DGKB: variants seen among roughly 807,000 people sequenced by gnomAD.
DGKB encodes the protein diacylglycerol kinase beta.
DGKB carries 67 observed loss-of-function variants against 114.3 expected under a neutral mutation model. The observed-to-expected ratio is 0.59, with a 90% CI of 0.48 to 0.72. DGKB has a LOEUF of 0.72. Ranked by LOEUF, DGKB falls within the 30% of genes least tolerant of loss-of-function variation. The pLI, the probability that DGKB is intolerant of heterozygous loss-of-function variation, is 0.00. For missense variants in DGKB, 907 were observed against 975.2 expected (o/e 0.93, Z 0.93); for synonymous variants, 398 against 323.1 (o/e 1.23, Z -2.49).
intron 23 of DGKB, among the ~76,000 whole-genome samples, chr7:14,204,599 T>C (rs1408761263): frequency 1.3e-5 from 2 of 152,052 alleles, no homozygotes; most frequent in South Asian, 2.1e-4. Context: ...TAAATTGTCT[T>C]GGTAAACTCT....
intron 13 of DGKB, among the ~76,000 whole-genome samples, chr7:14,654,135 C>T (rs1450561936): frequency 2.0e-5 from 3 of 151,974 alleles, no homozygotes; most frequent in East Asian, 3.9e-4. Flanking sequence ...TATAGAAAAA[C>T]CTGAAGACTT....
intron 21 of DGKB, among the ~76,000 whole-genome samples, chr7:14,440,709 C>G (rs893268084): frequency 1.3e-5 from 2 of 152,268 alleles, no homozygotes; most frequent in Admixed American, 1.3e-4. Context: ...ATGTTTAACA[C>G]TCTTAAACAA....
At chr7:14,377,078 G>A (rs1220025221) in intron 21 of DGKB, among the ~76,000 whole-genome samples, 7 of 152,146 alleles carry the variant, frequency 4.6e-5, no homozygotes, top group Non-Finnish European at 1.0e-4. Context: ...CTGGGTTATA[G>A]GATGGGGGGT....
chr7:14,569,195 C>T (rs988954118), intron 20 of DGKB, among the ~76,000 whole-genome samples: 4 of 152,104 alleles, frequency 2.6e-5, no homozygotes, highest in Non-Finnish European at 4.4e-5. Context: ...GATTTTGTGT[C>T]CCTGGGGCAG....
chr7:14,166,296 A>G (rs1164477404), intron 25 of DGKB, among the ~76,000 whole-genome samples: 2 of 152,240 alleles, frequency 1.3e-5, no homozygotes, highest in Non-Finnish European at 2.9e-5. Flanking sequence ...ATGCTGTCTC[A>G]AACTGCTTAA....
intron 23 of DGKB, among the ~76,000 whole-genome samples, chr7:14,262,947 T>G (rs1310211969): frequency 6.6e-6 from 1 of 151,940 alleles, no homozygotes; most frequent in Non-Finnish European, 1.5e-5. Flanking sequence ...ATTCTCCCAT[T>G]ACACATCAAG....
chr7:14,504,798 C>A (rs1786767112), intron 20 of DGKB, among the ~76,000 whole-genome samples: 1 of 151,730 alleles, frequency 6.6e-6, no homozygotes, highest in Admixed American at 6.6e-5. Context: ...AGGTATTTTA[C>A]TGGATAATTT....
intron 1 of DGKB, among the ~76,000 whole-genome samples, chr7:14,974,523 C>T (rs1051849426): frequency 6.6e-6 from 1 of 152,064 alleles, no homozygotes; most frequent in Non-Finnish European, 1.5e-5. Flanking sequence ...ACTCACCTAT[C>T]TAGACTATTT....
chr7:14,722,578 C>G (rs887339183), intron 5 of DGKB, among the ~76,000 whole-genome samples: 14 of 152,082 alleles, frequency 9.2e-5, no homozygotes, highest in African/African-American at 3.1e-4. Flanking sequence ...CTTTGGGAAG[C>G]CGAGGTGGGA....
chr7:14,235,967 A>G (rs1286866250), intron 23 of DGKB, among the ~76,000 whole-genome samples: 1 of 152,066 alleles, frequency 6.6e-6, no homozygotes, highest in African/African-American at 2.4e-5. Context: ...TGGATGCACA[A>G]GACATACACG....
intron 23 of DGKB, among the ~76,000 whole-genome samples, chr7:14,251,686 T>C (rs1026557390): frequency 6.6e-6 from 1 of 152,186 alleles, no homozygotes; most frequent in African/African-American, 2.4e-5. Flanking sequence ...TTAGGTCTGA[T>C]AGTGATCAAT....
chr7:14,175,295 T>C (rs968972677), intron 25 of DGKB, among the ~76,000 whole-genome samples: 2 of 152,214 alleles, frequency 1.3e-5, no homozygotes, highest in African/African-American at 2.4e-5. Context: ...AACATAAGCA[T>C]TCAGCACAAT....
intron 23 of DGKB, among the ~76,000 whole-genome samples, chr7:14,301,429 TAC>T (rs1280917990): frequency 3.3e-5 from 5 of 152,126 alleles, no homozygotes; most frequent in African/African-American, 1.2e-4. Flanking sequence ...ACAAATACCA[TAC>T]CCAGTCAAGA....
intron 15 of DGKB, among the ~76,000 whole-genome samples, chr7:14,620,982 C>T (rs1329533868): frequency 6.6e-6 from 1 of 151,270 alleles, no homozygotes; most frequent in Non-Finnish European, 1.5e-5. Context: ...TTTCTTCTTT[C>T]CTAAAGTCTT....
intron 1 of DGKB, among the ~76,000 whole-genome samples, chr7:14,973,267 T>G (rs1437319943): frequency 6.6e-6 from 1 of 151,954 alleles, no homozygotes; most frequent in African/African-American, 2.4e-5. Context: ...AAAATACTAT[T>G]AAGGAATATT....
rs1824552043 is a variant in DGKB at position 14,409,755 on chromosome 7, A to G, written c.1836-64364T>C. On this transcript the variant is annotated intron_variant, in intron 21 of 25. Coordinates refer to ENST00000402815, the MANE Select transcript of DGKB (RefSeq NM_001350709.2). ...AAAAAAAAAAAAGTTGAATTGTTTGATATGTACCGTAGATTGAAGTCTGCA... is the reference window on the plus strand; with the variant it reads ...AAAAAAAAAAAAGTTGAATTGTTTGGTATGTACCGTAGATTGAAGTCTGCA... Among the ~76,000 whole-genome samples, 6 of 147,742 alleles carry G rather than the reference A, an allele frequency of 4.1e-5. 3 individuals are homozygous for G. The South Asian group carries it at 1.3e-3, about 33-fold the overall frequency.
At chr7:14,370,900 A>C (rs1476078410) in intron 21 of DGKB, among the ~76,000 whole-genome samples, 1 of 152,164 alleles carries the variant, frequency 6.6e-6, no homozygotes, top group Admixed American at 6.6e-5. Flanking sequence ...CTTACTTATA[A>C]GTGAGAACAT....
chr7:14,279,659 C>T (rs184981794), intron 23 of DGKB, among the ~76,000 whole-genome samples: 17 of 152,172 alleles, frequency 1.1e-4, no homozygotes, highest in Admixed American at 5.2e-4. Context: ...GAGGGTAACC[C>T]GACCTCAAAG....
intron 6 of DGKB, among the ~76,000 whole-genome samples, chr7:14,715,900 T>C (rs756918626): frequency 5.3e-5 from 8 of 152,136 alleles, no homozygotes; most frequent in Non-Finnish European, 1.0e-4. Flanking sequence ...AGTAAAACAT[T>C]TGGGAACTTT....
Sources: allele counts gnomAD v4.1 joint callset (sites outside exome capture counted in the v4.1 genomes callset), GRCh38; gene constraint gnomAD v4.1.1; transcripts MANE v1.5; gene names NCBI Gene and HGNC (gene_info 2026-07-23, HGNC 2026-07-21).